Variants in LDLRAD4 observed in about 807,000 individuals in gnomAD.
The protein encoded by LDLRAD4 is low density lipoprotein receptor class A domain containing 4.
A neutral mutation model predicts 17.0 loss-of-function variants in LDLRAD4; 5 were observed. That is an observed-to-expected ratio of 0.29 (90% CI 0.15 to 0.62). The LOEUF is 0.62. LDLRAD4 is among the 20% of genes least tolerant of loss of function. The pLI is 0.84. For synonymous variants in LDLRAD4, 168 were observed against 171.8 expected, an observed-to-expected ratio of 0.98 and a Z score of 0.17; for missense variants, 340 against 424.7, an observed-to-expected ratio of 0.80 and a Z score of 1.75.
Position 13,497,996 on chromosome 18 carries a change from A to G in LDLRAD4, c.181+59612A>G, listed in dbSNP as rs201764334. Among the ~76,000 whole-genome samples the G allele has an allele frequency of 3.1e-3, 443 of 144,210 alleles. 1 individual carries two copies. The highest frequency in any genetic ancestry group is 0.011 in the Middle Eastern group (3 of 274). The allele number at this position is 144,210 out of a possible 152,430, so 94.6% of individuals were successfully genotyped here. A position where few individuals can be genotyped will look rare whatever the true frequency, so the allele number is the denominator to read the frequency against. ...TGGACACTGGAGAATCCTTCTGCCC[A>G]CACAAGTCCTGCCGTGGACACTGGA... On this transcript the variant is annotated intron_variant, in intron 3 of 5. Coordinates refer to ENST00000359446, the Ensembl canonical transcript of LDLRAD4.
intron 1 of LDLRAD4, among the ~76,000 whole-genome samples, chr18:13,293,718 C>T (rs961078397): frequency 1.3e-5 from 2 of 152,250 alleles, no homozygotes; most frequent in African/African-American, 2.4e-5. Context: ...GTCCCTTTCC[C>T]TCTCCGTGTT....
rs369565411 is a variant in LDLRAD4, at chr18:13,285,838, T to C, written c.-383+7650T>C. Reference sequence around the variant, plus strand: ...CACAGCACACTGTTAACTTTGTTTCTCAAACTTTTTGTCCCTTTAAAAAAA... The same window carrying C: ...CACAGCACACTGTTAACTTTGTTTCCCAAACTTTTTGTCCCTTTAAAAAAA... On this transcript the variant is annotated intron_variant, in intron 1 of 5. Coordinates refer to ENST00000359446, the Ensembl canonical transcript of LDLRAD4. 1.3e-3 allele frequency among the ~76,000 whole-genome samples: 203 copies of C among 152,308 alleles called. 1 individual carries two copies. The highest frequency in any genetic ancestry group is 4.4e-3 in the African/African-American group (183 of 41,576).
At chr18:13,298,699 A>G (rs555754228) in intron 1 of LDLRAD4, among the ~76,000 whole-genome samples, 5 of 152,204 alleles carry the variant, frequency 3.3e-5, no homozygotes, top group Admixed American at 1.3e-4. Context: ...CGCTTTGGGC[A>G]TGGTGATGGA....
At chr18:13,456,354 G>T (rs553878337) in intron 3 of LDLRAD4, among the ~76,000 whole-genome samples, 1 of 152,112 alleles carries the variant, frequency 6.6e-6, no homozygotes, top group African/African-American at 2.4e-5. Flanking sequence ...GCCCTCTCTC[G>T]CCTTCCCTCC....
At chr18:13,218,493 C>T (rs1567899717), upstream of LDLRAD4, among the ~76,000 whole-genome samples, 1 of 152,054 alleles carries the variant, frequency 6.6e-6, no homozygotes, top group Non-Finnish European at 1.5e-5. Context: ...ACTGTCTCCG[C>T]GCCCCTAGGC....
At chr18:13,287,992 G>C (rs959487544) in intron 1 of LDLRAD4, among the ~76,000 whole-genome samples, 1 of 152,172 alleles carries the variant, frequency 6.6e-6, no homozygotes, top group African/African-American at 2.4e-5. Context: ...AAACGTAGAA[G>C]CCGTCAGATA....
intron 2 of LDLRAD4, among the ~76,000 whole-genome samples, chr18:13,422,312 A>T (rs1443293837): frequency 6.6e-6 from 1 of 152,168 alleles, no homozygotes; most frequent in Non-Finnish European, 1.5e-5. Context: ...TTCAGCCCCA[A>T]ATCCGGAGAA....
At position 13,649,075 on chromosome 18, in the gene LDLRAD4, A is replaced by C. The variant is rs1344776721; in HGVS notation, c.*3418A>C. On this transcript the variant is annotated 3_prime_UTR_variant, in exon 6 of 6. Coordinates refer to ENST00000359446, the Ensembl canonical transcript of LDLRAD4. ...CACCCAAGCCACAAGAAATCCCAAG[A>C]GAGCAGAAGCGAATTTTTAAAAGAT... is the stretch of plus-strand genomic sequence containing the variant. The C allele has an allele frequency of 2.0e-5, 3 of 152,252 alleles. No individual in the cohort carries two copies. The South Asian group carries it at 6.2e-4, about 32-fold the overall frequency. 9.4% of individuals were successfully genotyped at this position (152,252 alleles called of 1,614,324 possible).
At chr18:13,364,152 ATATATATG>A (rs1206348705) in intron 1 of LDLRAD4, among the ~76,000 whole-genome samples, 1 of 152,168 alleles carries the variant, frequency 6.6e-6, no homozygotes, top group Admixed American at 6.5e-5. Flanking sequence ...TTGGCAAAAG[ATATATATG>A]CAGAATCATC....
At chr18:13,385,641 GC>G in intron 1 of LDLRAD4, among the ~76,000 whole-genome samples, 1 of 152,268 alleles carries the variant, frequency 6.6e-6, no homozygotes, top group Middle Eastern at 3.4e-3. Context: ...ATCGAAAAGG[GC>G]AGAGAAAAAT....
chr18:13,448,216 G>A (rs752366388), intron 3 of LDLRAD4, among the ~76,000 whole-genome samples: 5 of 152,202 alleles, frequency 3.3e-5, no homozygotes, highest in Admixed American at 6.5e-5. Flanking sequence ...ATGTTGTCGT[G>A]TGTGCTTAAG....
chr18:13,490,065 A>C (rs899059893), intron 3 of LDLRAD4: 7 of 151,940 alleles, frequency 4.6e-5, no homozygotes, highest in Non-Finnish European at 8.8e-5. Flanking sequence ...TAGCATGAAA[A>C]CCAGGCTTGC....
chr18:13,223,602 C>A (rs1279432396), intron 1 of LDLRAD4, among the ~76,000 whole-genome samples: 1 of 152,150 alleles, frequency 6.6e-6, no homozygotes, highest in Non-Finnish European at 1.5e-5. Context: ...TCTCTGCTTC[C>A]GAAGGCAGCC....
At chr18:13,548,703 G>T (rs906549258) in intron 3 of LDLRAD4, among the ~76,000 whole-genome samples, 9 of 152,182 alleles carry the variant, frequency 5.9e-5, no homozygotes, top group Non-Finnish European at 1.2e-4. Flanking sequence ...AGCTGTGGCT[G>T]GGGGGCTGCA....
intron 3 of LDLRAD4, among the ~76,000 whole-genome samples, chr18:13,517,193 A>G (rs1254843951): frequency 6.6e-6 from 1 of 152,240 alleles, no homozygotes; most frequent in Non-Finnish European, 1.5e-5. Flanking sequence ...TTGAGTTGAT[A>G]TAAGCAAATA....
chr18:13,417,247 G>A (rs908844930), intron 2 of LDLRAD4, among the ~76,000 whole-genome samples: 1 of 152,280 alleles, frequency 6.6e-6, no homozygotes, highest in African/African-American at 2.4e-5. Flanking sequence ...ATTTTAAGAA[G>A]TATGTTTGCA....
exon 6 of LDLRAD4, chr18:13,651,384 T>C (rs1217597380): frequency 1.3e-5 from 2 of 151,800 alleles, no homozygotes; most frequent in African/African-American, 4.8e-5. Flanking sequence ...AAGAAGACCC[T>C]GTTCTTAGAA....
At chr18:13,261,637 G>A (rs1018641417) in intron 1 of LDLRAD4, among the ~76,000 whole-genome samples, 6 of 152,066 alleles carry the variant, frequency 3.9e-5, no homozygotes, top group Non-Finnish European at 7.3e-5. Context: ...TCAACCGTGC[G>A]GTTAGAAACG....
In LDLRAD4 at chr18:13,398,626, G is replaced by A. The variant is rs554853039; in HGVS notation, c.40+10864G>A. 6.6e-5 allele frequency among the ~76,000 whole-genome samples: 10 copies of A among 152,146 alleles called. No individual in the cohort carries two copies. In the South Asian group the frequency reaches 1.9e-3, roughly 29 times the overall value. ...AGGACAGGTTTCGAAGGAGATGGGCGGCCCCTCCCTCTAACAACTTGATAT... is the reference window on the plus strand; with the variant it reads ...AGGACAGGTTTCGAAGGAGATGGGCAGCCCCTCCCTCTAACAACTTGATAT... On this transcript the variant is annotated intron_variant, in intron 2 of 5. Transcript: ENST00000359446. This position sits in a 1 kb window ranked among gnomAD's most constrained non-coding sequence, Gnocchi z 4.8.
Sources: allele counts gnomAD v4.1 joint callset (sites outside exome capture counted in the v4.1 genomes callset), GRCh38; gene constraint gnomAD v4.1.1; non-coding constraint Gnocchi (gnomAD v3.1); transcripts MANE v1.5; gene names NCBI Gene and HGNC (gene_info 2026-07-23, HGNC 2026-07-21).